INPP4B: variants seen among roughly 807,000 people sequenced by gnomAD.
INPP4B encodes inositol polyphosphate-4-phosphatase type II B, also known as inositol polyphosphate 4-phosphatase type II.
INPP4B carries 55 observed loss-of-function variants against 122.5 expected under a neutral mutation model. The observed-to-expected ratio is 0.45, with a 90% CI of 0.36 to 0.56. The LOEUF (loss-of-function observed/expected upper bound fraction) is 0.56. Among genes scored for constraint, INPP4B ranks in the 20% least tolerant of loss-of-function variants. The pLI is 0.00. For missense variants in INPP4B, 1,000 were observed against 1,097.7 expected (o/e 0.91, Z 1.26); for synonymous variants, 403 against 388.7 (o/e 1.04, Z -0.43).
At chr4:142,338,749 G>T (rs1777708690) in intron 7 of INPP4B, among the ~76,000 whole-genome samples, 1 of 152,032 alleles carries the variant, frequency 6.6e-6, no homozygotes, top group Admixed American at 6.5e-5. Context: ...TTCATTTCCT[G>T]GTTCTAATTT....
chr4:142,237,945 C>T lies in INPP4B; in HGVS notation c.755G>A (p.Arg252Gln), dbSNP rs1321044670. ...AAGAATGCTCTCTGACATCTGCTCT[C>T]GAATTCGCATCCACTTATTGTCAGA... The part of the protein sequence containing the change: ...PTSDNKWMRI[R>Q]EQMSESILSF... The change falls in exon 12 of 26, where the codon CGA becomes CAA. Residue 252 changes from arginine to glutamine, a missense_variant. Transcript: ENST00000262992. 3 of 1,575,036 alleles carry T rather than the reference C, an allele frequency of 1.9e-6. No homozygotes were observed. The highest frequency in any genetic ancestry group is 4.5e-5 in the East Asian group (2 of 44,476).
rs187891482 is a variant in INPP4B at position 142,304,537 on chromosome 4, T to A, written c.503+921A>T. On this transcript the variant is annotated intron_variant, in intron 9 of 25. Transcript: ENST00000262992. Reference sequence around the variant, plus strand: ...AATCAGAAAAAGACAAATCCTGGCATAGAGATGCTAGCATAAGCCATCATA... The same window carrying A: ...AATCAGAAAAAGACAAATCCTGGCAAAGAGATGCTAGCATAAGCCATCATA... Among the ~76,000 whole-genome samples, 245 of 152,132 alleles carry A rather than the reference T, an allele frequency of 1.6e-3. 1 individual carries two copies. The highest frequency in any genetic ancestry group is 3.1e-3 in the Admixed American group (48 of 15,252).
chr4:142,190,476 C>T (rs986253182), intron 15 of INPP4B, among the ~76,000 whole-genome samples: 33 of 152,132 alleles, frequency 2.2e-4, no homozygotes, highest in African/African-American at 4.3e-4. Context: ...CTTAATTTAA[C>T]GGGTAGGCTG....
At chr4:142,697,279 T>C (rs1322201987) in intron 2 of INPP4B, among the ~76,000 whole-genome samples, 1 of 152,128 alleles carries the variant, frequency 6.6e-6, no homozygotes, top group East Asian at 1.9e-4. Flanking sequence ...ACTGTTAGGC[T>C]TTCCCCAACC....
At chr4:142,226,685 A>G (rs1872291) in intron 12 of INPP4B, among the ~76,000 whole-genome samples, 1 of 152,210 alleles carries the variant, frequency 6.6e-6, no homozygotes, top group East Asian at 1.9e-4. Flanking sequence ...CAGAAAAACC[A>G]TTAGTAGATG....
chr4:142,506,857 T>C lies in INPP4B; in HGVS notation c.-190-44131A>G, dbSNP rs79983518. Among the ~76,000 whole-genome samples the C allele has an allele frequency of 6.7e-3, 1,016 of 152,326 alleles. 17 individuals are homozygous for C. Among genetic ancestry groups the C allele is most frequent in the African/African-American group, 0.023 (960 of 41,564 alleles). On this transcript the variant is annotated intron_variant, in intron 2 of 25. Transcript: ENST00000262992. ...TATTTCTGAAAAAGCTCTGTGATCT[T>C]TCTGAGATATTCTCCAGGGGCAGAG... is the stretch of plus-strand genomic sequence containing the variant.
intron 2 of INPP4B, among the ~76,000 whole-genome samples, chr4:142,675,820 T>A (rs1757677284): frequency 1.3e-5 from 2 of 152,160 alleles, no homozygotes; most frequent in South Asian, 4.1e-4. Context: ...AAACTCTCAA[T>A]AAACTAGTTA....
intron 7 of INPP4B, among the ~76,000 whole-genome samples, chr4:142,398,758 C>T (rs1290665384): frequency 6.6e-6 from 1 of 152,092 alleles, no homozygotes; most frequent in Non-Finnish European, 1.5e-5. Flanking sequence ...GTAACATGCA[C>T]ATCCAATCTT....
chr4:142,503,451 T>A (rs1405600116), intron 2 of INPP4B, among the ~76,000 whole-genome samples: 1 of 152,046 alleles, frequency 6.6e-6, no homozygotes, highest in Admixed American at 6.6e-5. Context: ...GAGAAATTAA[T>A]AAAAACAGAA....
chr4:142,445,232 A>G (rs575043334), intron 3 of INPP4B, among the ~76,000 whole-genome samples: 1 of 152,336 alleles, frequency 6.6e-6, no homozygotes, highest in South Asian at 2.1e-4. Flanking sequence ...GTGAAAAAGC[A>G]CGATAAGCAA....
At chr4:142,335,132 AG>A (rs1203272786) in intron 7 of INPP4B, among the ~76,000 whole-genome samples, 63 of 144,140 alleles carry the variant, frequency 4.4e-4, no homozygotes, top group African/African-American at 1.4e-3. Flanking sequence ...AAAAAAAAAA[AG>A]TCTGAGTATC....
At chr4:142,367,232 C>T (rs1221402312) in intron 7 of INPP4B, among the ~76,000 whole-genome samples, 2 of 119,338 alleles carry the variant, frequency 1.7e-5, no homozygotes, top group East Asian at 2.4e-4. Context: ...GTGTATTTGC[C>T]AGTCATTAGA....
chr4:142,309,700 C>A (rs761084447), intron 8 of INPP4B, among the ~76,000 whole-genome samples: 1 of 152,184 alleles, frequency 6.6e-6, no homozygotes, highest in Non-Finnish European at 1.5e-5. Context: ...TCTGCCTGCA[C>A]GACATGCAGC....
intron 1 of INPP4B, among the ~76,000 whole-genome samples, chr4:142,747,699 G>C (rs1442178366): frequency 1.3e-5 from 2 of 152,052 alleles, no homozygotes. Flanking sequence ...CCATAAAAAA[G>C]AATGAGTTCA....
rs555015906 is a variant in INPP4B at position 142,844,933 on chromosome 4, C to G, written c.-254+1276G>C. Among the ~76,000 whole-genome samples, 17 of 152,272 alleles carry G rather than the reference C, an allele frequency of 1.1e-4. No homozygotes were observed. The South Asian group carries it at 2.9e-3, about 26-fold the overall frequency. ...TTAGGCTTTTACTTACAGAGCCACA[C>G]CTTTATAAACAAGTTCTGTCTGTCA... On this transcript the variant is annotated intron_variant, in intron 1 of 25. Transcript: ENST00000262992.
At chr4:142,537,794 GA>G (rs1828471614) in intron 2 of INPP4B, among the ~76,000 whole-genome samples, 1 of 148,926 alleles carries the variant, frequency 6.7e-6, no homozygotes, top group Non-Finnish European at 1.5e-5. Flanking sequence ...TATGGAGGGG[GA>G]AAATATAAAA....
chr4:142,090,141 C>T (rs1242598477), intron 23 of INPP4B, among the ~76,000 whole-genome samples: 1 of 152,156 alleles, frequency 6.6e-6, no homozygotes, highest in Non-Finnish European at 1.5e-5. Flanking sequence ...TTTAAACAGA[C>T]TATAAGAATC....
At chr4:142,555,053 A>G (rs1444625446) in intron 2 of INPP4B, among the ~76,000 whole-genome samples, 1 of 152,210 alleles carries the variant, frequency 6.6e-6, no homozygotes, top group Non-Finnish European at 1.5e-5. Flanking sequence ...CCCAGGAAGC[A>G]CCACATGTAG....
At chr4:142,624,535 G>A (rs571058236) in intron 2 of INPP4B, among the ~76,000 whole-genome samples, 4 of 152,000 alleles carry the variant, frequency 2.6e-5, no homozygotes, top group Non-Finnish European at 4.4e-5. Context: ...ATTCACAGCC[G>A]AATTCTATCA....
Sources: gnomAD v4.1 joint callset for allele counts (sites outside exome capture counted in the v4.1 genomes callset) on GRCh38, gnomAD v4.1.1 for gene constraint, MANE v1.5 for transcripts, NCBI Gene and HGNC (gene_info 2026-07-23, HGNC 2026-07-21) for gene names.